The following NEK4 variants were observed in gnomAD, a reference collection of about 807,000 sequenced individuals.
NEK4 encodes NIMA related kinase 4, also known as serine/threonine-protein kinase Nek4.
Under a neutral mutation model 98.4 loss-of-function variants are expected in NEK4, and 86 were observed. That is an observed-to-expected ratio of 0.87 (90% CI 0.73 to 1.05). The LOEUF (loss-of-function observed/expected upper bound fraction) is 1.05. Ranked by LOEUF, NEK4 falls within the 50% of genes least tolerant of loss-of-function variation. The pLI is 0.00. For synonymous variants in NEK4, 328 were observed against 342.2 expected, an observed-to-expected ratio of 0.96 and a Z score of 0.46; for missense variants, 898 against 950.3, an observed-to-expected ratio of 0.94 and a Z score of 0.72.
At chr3:52,745,072 C>G (rs59869286) in intron 10 of NEK4, among the ~76,000 whole-genome samples, 1 of 151,650 alleles carries the variant, frequency 6.6e-6, no homozygotes, top group Non-Finnish European at 1.5e-5. Context: ...CCCACCACAA[C>G]GCCCGGCTAA....
intron 4 of NEK4, 45 bp downstream of exon 4, chr3:52,765,842 T>C: frequency 1.8e-6 from 2 of 1,141,784 alleles, no homozygotes; most frequent in Middle Eastern, 2.1e-4. Context: ...TTTATAAAGC[T>C]GCACTATAGA....
At chr3:52,719,572 G>A (rs1048223279) in intron 15 of NEK4, among the ~76,000 whole-genome samples, 4 of 141,100 alleles carry the variant, frequency 2.8e-5, no homozygotes, top group Non-Finnish European at 6.0e-5. Flanking sequence ...GACAGAGTGA[G>A]ACTCTGTCTC....
intron 8 of NEK4, among the ~76,000 whole-genome samples, chr3:52,749,313 A>G (rs2097401229): frequency 6.6e-6 from 1 of 151,250 alleles, no homozygotes; most frequent in Admixed American, 6.6e-5. Context: ...TTGTATTTTT[A>G]GTAGAAACAG....
Position 52,711,878 on chromosome 3 carries a change from G to A in NEK4, c.2434-9C>T, listed in dbSNP as rs1171567302. 2 of 1,516,096 alleles carry A rather than the reference G, an allele frequency of 1.3e-6. No individual in the cohort carries two copies. The highest frequency in any genetic ancestry group is 1.8e-6 in the Non-Finnish European group (2 of 1,097,060). The allele number at this position is 1,516,096 out of a possible 1,614,324, so 93.9% of individuals were successfully genotyped here. On this transcript the variant is annotated splice_polypyrimidine_tract_variant and intron_variant, in intron 15 of 15. Transcript: ENST00000233027. The stretch of plus-strand genomic sequence containing the variant: ...TGCTCCCGCAAACGTACCTATTTGA[G>A]AAACAAAAAGAAAATCAATCAGTAT...
chr3:52,739,423 G>A lies in NEK4; in HGVS notation c.2299+6C>T. The A allele has an allele frequency of 3.1e-6, 5 of 1,611,236 alleles. No individual in the cohort carries two copies. Among genetic ancestry groups the A allele is most frequent in the Non-Finnish European group, 4.2e-6 (5 of 1,177,514 alleles). On this transcript the variant is annotated splice_donor_region_variant and intron_variant, in intron 14 of 15. Transcript: ENST00000233027. ...AAAAAACAAAAAATAATAATAAGCT[G>A]ATCACCTGAAGGTAGCTCTTTAAAA...
In NEK4 at chr3:52,739,435, G is replaced by A. The variant is rs1185380331; in HGVS notation, c.2293C>T (p.Pro765Ser). ...ATAATAATAAGCTGATCACCTGAAGGTAGCTCTTTAAAATGGATTTCCTCT... is the reference window on the plus strand; with the variant it reads ...ATAATAATAAGCTGATCACCTGAAGATAGCTCTTTAAAATGGATTTCCTCT... ...EAEEIHFKEL[P>S]SAIMPGSEKI... is the part of the protein sequence containing the mutation. Residue 765 changes from proline to serine, a missense_variant, in exon 14 of 16, where the codon CCT becomes TCT. By Grantham distance (74) the Pro-to-Ser change is moderately conservative. Transcript: ENST00000233027. 6.2e-7 allele frequency: 1 copy of A among 1,613,296 alleles called. No individual in the cohort carries two copies. Among genetic ancestry groups the A allele is most frequent in the Non-Finnish European group, 8.5e-7 (1 of 1,179,272 alleles).
At chr3:52,737,495 G>T in intron 15 of NEK4, 91 bp downstream of exon 15, 3 of 1,315,662 alleles carry the variant, frequency 2.3e-6, no homozygotes, top group South Asian at 1.2e-5. Flanking sequence ...CACTTTAGAT[G>T]AGTGAATTGT....
intron 15 of NEK4, among the ~76,000 whole-genome samples, chr3:52,729,335 T>C (rs1045044517): frequency 6.6e-6 from 1 of 151,946 alleles, no homozygotes; most frequent in African/African-American, 2.4e-5. Context: ...AGAACCTACG[T>C]TGAAATATTG....
Position 52,746,886 on chromosome 3 carries a change from A to G in NEK4, c.1525T>C (p.Cys509Arg), listed in dbSNP as rs750800772. Residue 509 changes from cysteine to arginine, a missense_variant, in exon 9 of 16, where the codon TGT becomes CGT. Physicochemically the swap from Cys to Arg is radical, Grantham distance 180 (BLOSUM62 -3). Transcript: ENST00000233027. The part of the protein sequence containing the change: ...HHAQDQVAGE[C>R]IIEKQGRIHP... ...ATTCTGCCCTGTTTTTCTATAATACATTCACCAGCAACTTGATCCTTAAAA... is the reference window on the plus strand; with the variant it reads ...ATTCTGCCCTGTTTTTCTATAATACGTTCACCAGCAACTTGATCCTTAAAA... The G allele has an allele frequency of 1.9e-6, 3 of 1,613,338 alleles. No individual in the cohort carries two copies. The South Asian group carries it at 3.3e-5, about 18-fold the overall frequency.
At chr3:52,727,377 T>G (rs540042234) in intron 15 of NEK4, among the ~76,000 whole-genome samples, 1 of 152,328 alleles carries the variant, frequency 6.6e-6, no homozygotes, top group South Asian at 2.1e-4. Context: ...ATTGTCTCAA[T>G]AGATTTTAAA....
In NEK4 at chr3:52,766,227, G is replaced by A. The variant is rs976008612; in HGVS notation, c.509C>T (p.Pro170Leu). Residue 170 changes from proline (P) to leucine (L), a missense_variant, in exon 3 of 16, where the codon CCC becomes CTC. By Grantham distance (98) the Pro-to-Leu change is moderately conservative. Coordinates refer to ENST00000233027, the MANE Select transcript of NEK4 (RefSeq NM_003157.6). Reference protein sequence around the residue: ...CDMASTLIGTPYYMSPELFSN... With the variant: ...CDMASTLIGTLYYMSPELFSN... ...GAACAATTCAGGGCTCATGTAGTAG[G>A]GTGTGCCAATGAGGGTGCTAGCCAT... 2 of 1,614,112 alleles carry A rather than the reference G, an allele frequency of 1.2e-6. No individual in the cohort carries two copies. The highest frequency in any genetic ancestry group is 1.7e-5 in the Admixed American group (1 of 60,012).
At chr3:52,732,665 C>CT (rs1174058843) in intron 15 of NEK4, 10 of 322,758 alleles carry the variant, frequency 3.1e-5, no homozygotes, top group Non-Finnish European at 6.3e-6. Flanking sequence ...GCACAGAGGG[C>CT]TTTATACAGG....
chr3:52,766,307 G>A lies in NEK4; in HGVS notation c.429C>T (p.Asn143=), dbSNP rs1279084247. ...KTQNVFLTRT[N]IIKVGDLGIA... The stretch of plus-strand genomic sequence containing the variant: ...TTCCTAGGTCCCCTACTTTGATGAT[G>A]TTTGTTCTTGTTAGGAAGACATTTT... The change falls in exon 3 of 16, where the codon AAC becomes AAT. Residue 143 remains asparagine, a synonymous_variant. Coordinates refer to ENST00000233027, the MANE Select transcript of NEK4 (RefSeq NM_003157.6). The A allele has an allele frequency of 6.2e-7, 1 of 1,614,014 alleles. No individual in the cohort carries two copies. The highest frequency in any genetic ancestry group is 8.5e-7 in the Non-Finnish European group (1 of 1,179,894).
At chr3:52,741,626 A>T (rs1471822788) in intron 12 of NEK4, 127 bp from the exon 13 acceptor site, 1 of 545,452 alleles carries the variant, frequency 1.8e-6, no homozygotes, top group Non-Finnish European at 3.2e-6. Context: ...GGAGAATCTA[A>T]CAAATACAAA....
intron 13 of NEK4, 101 bp from the exon 14 acceptor site, chr3:52,739,735 A>T: frequency 2.1e-6 from 2 of 970,060 alleles, no homozygotes; most frequent in Non-Finnish European, 3.2e-6. Flanking sequence ...ATCCTTTGAA[A>T]TGTCCAAGTA....
At chr3:52,759,944 C>G (rs1276342614) in intron 6 of NEK4, among the ~76,000 whole-genome samples, 1 of 149,662 alleles carries the variant, frequency 6.7e-6, no homozygotes, top group Non-Finnish European at 1.5e-5. Flanking sequence ...TGAAAATATG[C>G]TATGTGGAAG....
At chr3:52,744,430 A>T in intron 10 of NEK4, 125 bp from the exon 11 acceptor site, 1 of 780,966 alleles carries the variant, frequency 1.3e-6, no homozygotes, top group East Asian at 2.5e-5. Flanking sequence ...TCACACTTGT[A>T]ATCCCAGCAC....
intron 15 of NEK4, among the ~76,000 whole-genome samples, chr3:52,730,500 T>C (rs1379480412): frequency 6.6e-6 from 1 of 151,108 alleles, no homozygotes; most frequent in African/African-American, 2.4e-5. Context: ...GAGAAATGCA[T>C]ATGAATATCC....
intron 15 of NEK4, among the ~76,000 whole-genome samples, chr3:52,734,567 G>A (rs1237757449): frequency 6.6e-6 from 1 of 151,668 alleles, no homozygotes; most frequent in Non-Finnish European, 1.5e-5. Context: ...CAGCTACTAG[G>A]GAGGCTGAGG....
Sources: allele counts gnomAD v4.1 joint callset (sites outside exome capture counted in the v4.1 genomes callset), GRCh38; gene constraint gnomAD v4.1.1; transcripts MANE v1.5; gene names NCBI Gene and HGNC (gene_info 2026-07-23, HGNC 2026-07-21).